The following AGBL4 variants were observed in gnomAD, a reference collection of about 807,000 sequenced individuals.
AGBL4 encodes the protein cytosolic carboxypeptidase 6.
In AGBL4, 58 loss-of-function variants were observed where a neutral mutation model predicts 66.4. That is an observed-to-expected ratio of 0.87 (90% CI 0.71 to 1.09). The LOEUF is 1.09. Among genes scored for constraint, AGBL4 ranks in the 50% least tolerant of loss-of-function variants. The probability of loss-of-function intolerance (pLI) is 0.00; values close to 1 mark genes in which losing one functional copy is unlikely to be tolerated. For synonymous variants in AGBL4, 234 were observed against 222.9 expected (o/e 1.05, Z -0.44); for missense variants, 579 against 631.0 (o/e 0.92, Z 0.88).
At chr1:49,903,135 C>T (rs1649934103) in intron 1 of AGBL4, among the ~76,000 whole-genome samples, 1 of 152,100 alleles carries the variant, frequency 6.6e-6, no homozygotes, top group South Asian at 2.1e-4. Context: ...AAAGGTGGTA[C>T]ATATATACCA....
At chr1:48,719,273 G>A (rs1432528945) in intron 6 of AGBL4, among the ~76,000 whole-genome samples, 1 of 152,160 alleles carries the variant, frequency 6.6e-6, no homozygotes, top group Non-Finnish European at 1.5e-5. Context: ...GCATGAAGGA[G>A]GTGCTCCTCT....
chr1:49,614,298 T>C (rs1645209835), intron 3 of AGBL4, among the ~76,000 whole-genome samples: 1 of 152,190 alleles, frequency 6.6e-6, no homozygotes, highest in Non-Finnish European at 1.5e-5. Context: ...ATGAATGGAA[T>C]CATATGGTAT....
chr1:48,563,754 G>T (rs766451196), intron 11 of AGBL4, among the ~76,000 whole-genome samples: 1 of 152,206 alleles, frequency 6.6e-6, no homozygotes, highest in Non-Finnish European at 1.5e-5. Flanking sequence ...CTTTGGAAAG[G>T]TCGGTGATCA....
chr1:49,320,721 A>G (rs1266936970), intron 3 of AGBL4, among the ~76,000 whole-genome samples: 2 of 152,184 alleles, frequency 1.3e-5, no homozygotes, highest in Non-Finnish European at 1.5e-5. Context: ...AAAGTAAACA[A>G]CTTCTGCCTT....
At chr1:48,860,095 C>T (rs1647347080) in intron 6 of AGBL4, among the ~76,000 whole-genome samples, 1 of 152,180 alleles carries the variant, frequency 6.6e-6, no homozygotes, top group African/African-American at 2.4e-5. Flanking sequence ...AAATAAGTCT[C>T]TCTCCTCAGT....
intron 3 of AGBL4, among the ~76,000 whole-genome samples, chr1:49,612,987 G>A (rs189337678): frequency 6.6e-6 from 1 of 152,248 alleles, no homozygotes; most frequent in Non-Finnish European, 1.5e-5. Context: ...CAACTTAGAT[G>A]CCCATCAGTG....
chr1:50,021,978 C>G (rs974427561), intron 1 of AGBL4, among the ~76,000 whole-genome samples: 4 of 152,172 alleles, frequency 2.6e-5, no homozygotes, highest in Non-Finnish European at 5.9e-5. Context: ...TTCAGTTCCT[C>G]AAACACAGCA....
intron 3 of AGBL4, among the ~76,000 whole-genome samples, chr1:49,679,363 C>G (rs1172589968): frequency 6.6e-6 from 1 of 151,606 alleles, no homozygotes; most frequent in African/African-American, 2.4e-5. Flanking sequence ...TTATTATAAC[C>G]AAGGTGTGTG....
chr1:48,683,935 A>G (rs1166340181), intron 6 of AGBL4, among the ~76,000 whole-genome samples: 1 of 152,232 alleles, frequency 6.6e-6, no homozygotes, highest in Non-Finnish European at 1.5e-5. Context: ...TTGAAAATCT[A>G]ATAAGAAAGC....
intron 3 of AGBL4, among the ~76,000 whole-genome samples, chr1:49,476,041 T>C (rs1172306081): frequency 1.3e-5 from 2 of 151,954 alleles, no homozygotes; most frequent in African/African-American, 2.4e-5. Context: ...GATCTTTATA[T>C]TGAGGTGCTT....
At chr1:48,645,661 AATGAG>A (rs1645823749) in intron 8 of AGBL4, among the ~76,000 whole-genome samples, 1 of 152,200 alleles carries the variant, frequency 6.6e-6, no homozygotes. Context: ...TCATCTGTAA[AATGAG>A]CATAATGATG....
intron 2 of AGBL4, among the ~76,000 whole-genome samples, chr1:49,846,779 T>C (rs879665826): frequency 7.2e-5 from 11 of 151,974 alleles, no homozygotes; most frequent in Non-Finnish European, 1.3e-4. Flanking sequence ...AAAATATAGA[T>C]GACATAAACA....
intron 1 of AGBL4, among the ~76,000 whole-genome samples, chr1:50,021,552 T>G (rs1332371800): frequency 6.6e-6 from 1 of 152,170 alleles, no homozygotes; most frequent in South Asian, 2.1e-4. Context: ...TTGAACAAAT[T>G]AGAAAATGAG....
In AGBL4 at chr1:48,706,349, G is replaced by A. The variant is rs533889869; in HGVS notation, c.635-43108C>T. 4.6e-5 allele frequency among the ~76,000 whole-genome samples: 7 copies of A among 152,072 alleles called. No individual in the cohort carries two copies. In the East Asian group the frequency reaches 9.6e-4, roughly 21 times the overall value. ...TACTCTACAAACATAAATGAATTTGGTAAATTCCAAATGATAAAAAGATAT... is the reference window on the plus strand; with the variant it reads ...TACTCTACAAACATAAATGAATTTGATAAATTCCAAATGATAAAAAGATAT... On this transcript the variant is annotated intron_variant, in intron 6 of 13. Transcript: ENST00000371839.
At chr1:49,151,182 T>C (rs1646321963) in intron 4 of AGBL4, among the ~76,000 whole-genome samples, 1 of 148,416 alleles carries the variant, frequency 6.7e-6, no homozygotes, top group Admixed American at 6.8e-5. Context: ...GGCAGGAGAA[T>C]GGCATGAACC....
At chr1:49,971,907 G>GTTGTCTTTTTTTTTTTTTTTTT (rs1553155278) in intron 1 of AGBL4, among the ~76,000 whole-genome samples, 1 of 23,428 alleles carries the variant, frequency 4.3e-5, no homozygotes. Flanking sequence ...GTTTTTTTGG[G>GTTGTCTTTTTTTTTTTTTTTTT]TTTTTTTTTT....
At chr1:49,284,109 A>C (rs1244047818) in intron 3 of AGBL4, among the ~76,000 whole-genome samples, 52 of 152,230 alleles carry the variant, frequency 3.4e-4, no homozygotes, top group African/African-American at 5.5e-4. Context: ...ATGTTAAGGG[A>C]AGCCAGAGAG....
At chr1:48,920,546 G>A (rs2148891353) in intron 5 of AGBL4, among the ~76,000 whole-genome samples, 1 of 152,228 alleles carries the variant, frequency 6.6e-6, no homozygotes, top group East Asian at 1.9e-4. Context: ...GCACCTTCAG[G>A]TGTGATATTT....
intron 3 of AGBL4, among the ~76,000 whole-genome samples, chr1:49,680,004 A>T (rs1259068916): frequency 2.0e-5 from 3 of 150,890 alleles, no homozygotes; most frequent in South Asian, 2.1e-4. Context: ...GTTTTTTTTT[A>T]AATTCATTCA....
Sources: gnomAD v4.1 joint callset for allele counts (sites outside exome capture counted in the v4.1 genomes callset) on GRCh38, gnomAD v4.1.1 for gene constraint, MANE v1.5 for transcripts, NCBI Gene and HGNC (gene_info 2026-07-23, HGNC 2026-07-21) for gene names.